NRG1: variants seen among roughly 807,000 people sequenced by gnomAD.
NRG1 encodes the protein neuregulin 1.
A neutral mutation model predicts 63.8 loss-of-function variants in NRG1; 18 were observed. The observed-to-expected ratio is 0.28, with a 90% CI of 0.19 to 0.42. The LOEUF (loss-of-function observed/expected upper bound fraction) is 0.42. Ranked by LOEUF, NRG1 falls within the 10% of genes least tolerant of loss-of-function variation. The pLI, the probability that NRG1 is intolerant of heterozygous loss-of-function variation, is 1.00. For synonymous variants in NRG1, 302 were observed against 301.3 expected (o/e 1.00, Z -0.02); for missense variants, 762 against 814.7 (o/e 0.94, Z 0.79).
chr8:31,755,485 TTTGAG>T (rs2131482312), intron 1 of NRG1, among the ~76,000 whole-genome samples: 1 of 152,244 alleles, frequency 6.6e-6, no homozygotes, highest in African/African-American at 2.4e-5. Context: ...GCTGCTTTTG[TTTGAG>T]TGACTAGCAA....
At chr8:32,254,863 G>A (rs1324077668) in intron 1 of NRG1, among the ~76,000 whole-genome samples, 1 of 152,078 alleles carries the variant, frequency 6.6e-6, no homozygotes, top group Non-Finnish European at 1.5e-5. Context: ...TCCTCATATT[G>A]GGAATCTGGT....
At chr8:32,280,704 T>TG (rs1852652186) in intron 1 of NRG1, among the ~76,000 whole-genome samples, 1 of 144,338 alleles carries the variant, frequency 6.9e-6, no homozygotes, top group Non-Finnish European at 1.5e-5. Flanking sequence ...TTTTTTTTTT[T>TG]TTTTTTTTTT....
chr8:32,506,386 G>A (rs1828533977), intron 1 of NRG1, among the ~76,000 whole-genome samples: 1 of 152,178 alleles, frequency 6.6e-6, no homozygotes, highest in African/African-American at 2.4e-5. Context: ...CAAAGGGTCT[G>A]TAGTCTGCTG....
At chr8:32,695,359 AAGAG>A (rs751255746) in intron 5 of NRG1, among the ~76,000 whole-genome samples, 29 of 151,934 alleles carry the variant, frequency 1.9e-4, no homozygotes, top group Non-Finnish European at 3.7e-4. Context: ...GAAGGAAAGA[AAGAG>A]AGAGAGGGTG....
intron 5 of NRG1, among the ~76,000 whole-genome samples, chr8:32,643,406 A>C (rs1009365631): frequency 6.6e-6 from 1 of 152,140 alleles, no homozygotes; most frequent in African/African-American, 2.4e-5. Flanking sequence ...CAACCTGGCC[A>C]CCATGCTGTG....
At chr8:31,870,682 G>A (rs1020901867) in intron 1 of NRG1, among the ~76,000 whole-genome samples, 1 of 152,006 alleles carries the variant, frequency 6.6e-6, no homozygotes, top group African/African-American at 2.4e-5. Context: ...TTCCTAAAGG[G>A]CATTTCTCAG....
At chr8:32,058,763 A>G (rs1296240652) in intron 1 of NRG1, among the ~76,000 whole-genome samples, 1 of 152,030 alleles carries the variant, frequency 6.6e-6, no homozygotes, top group Non-Finnish European at 1.5e-5. Context: ...GCAAGCTTTA[A>G]GTAAAACACG....
intron 1 of NRG1, among the ~76,000 whole-genome samples, chr8:31,980,805 C>G (rs942603136): frequency 5.9e-5 from 9 of 151,360 alleles, no homozygotes; most frequent in African/African-American, 1.9e-4. Context: ...TACTATTGCT[C>G]TTTTGCTTAC....
intron 1 of NRG1, among the ~76,000 whole-genome samples, chr8:32,430,062 G>A (rs1303168724): frequency 6.6e-6 from 1 of 152,104 alleles, no homozygotes; most frequent in East Asian, 1.9e-4. Flanking sequence ...TCCTGTTCTT[G>A]ACTGTGCTAT....
chr8:31,831,232 G>T (rs1444545524), intron 1 of NRG1, among the ~76,000 whole-genome samples: 1 of 151,888 alleles, frequency 6.6e-6, no homozygotes, highest in Admixed American at 6.6e-5. Context: ...CTCCTGAGCA[G>T]CTGGTATTAC....
chr8:31,831,188 G>A (rs887468675), intron 1 of NRG1, among the ~76,000 whole-genome samples: 1 of 151,194 alleles, frequency 6.6e-6, no homozygotes, highest in Non-Finnish European at 1.5e-5. Flanking sequence ...TGCAACATCC[G>A]CCTCCTGAGT....
intron 1 of NRG1, among the ~76,000 whole-genome samples, chr8:31,666,485 A>G (rs1361316398): frequency 6.6e-6 from 1 of 152,200 alleles, no homozygotes; most frequent in East Asian, 1.9e-4. Flanking sequence ...TAATCCTTTA[A>G]CATGATCATC....
chr8:32,526,430 A>T (rs7830563), intron 1 of NRG1, among the ~76,000 whole-genome samples: 17,493 of 152,204 alleles, frequency 0.11, 2,479 homozygotes, highest in East Asian at 0.58. Flanking sequence ...CACAGAAATG[A>T]CATCTCATCA....
At position 31,756,756 on chromosome 8, in the gene NRG1, A is replaced by T. The variant is rs111473160; in HGVS notation, c.37+117325A>T. Among the ~76,000 whole-genome samples, 791 of 152,294 alleles carry T rather than the reference A, an allele frequency of 5.2e-3. 7 individuals are homozygous for T. Among genetic ancestry groups the T allele is most frequent in the African/African-American group, 0.018 (757 of 41,574 alleles). ...GAGTAAAAAACATGTTACCTGTTTGACTGGTGCCCATATATAGTTAAGAGT... is the reference window on the plus strand; with the variant it reads ...GAGTAAAAAACATGTTACCTGTTTGTCTGGTGCCCATATATAGTTAAGAGT... On this transcript the variant is annotated intron_variant, in intron 1 of 10. Coordinates refer to the NRG1 transcript ENST00000519301.
chr8:32,361,063 C>T (rs1050716378), intron 1 of NRG1, among the ~76,000 whole-genome samples: 3 of 152,248 alleles, frequency 2.0e-5, no homozygotes, highest in African/African-American at 7.2e-5. Context: ...CTTATTCATA[C>T]GATAGACCTA....
intron 5 of NRG1, among the ~76,000 whole-genome samples, chr8:32,632,220 G>A (rs570355737): frequency 2.0e-5 from 3 of 152,144 alleles, no homozygotes; most frequent in Non-Finnish European, 4.4e-5. Context: ...GAGTTCCATC[G>A]AAGTATACAC....
intron 1 of NRG1, among the ~76,000 whole-genome samples, chr8:32,023,828 C>A (rs775990642): frequency 9.4e-4 from 34 of 36,184 alleles, no homozygotes; most frequent in Non-Finnish European, 1.4e-3. Context: ...AGCGTAGCTG[C>A]AGATTTGCAG....
intron 1 of NRG1, among the ~76,000 whole-genome samples, chr8:31,910,786 G>C (rs1832876433): frequency 6.6e-6 from 1 of 152,144 alleles, no homozygotes; most frequent in Non-Finnish European, 1.5e-5. Context: ...GGAATAAAAA[G>C]ATAAAACTGT....
chr8:31,794,291 G>T (rs370747012), intron 1 of NRG1, among the ~76,000 whole-genome samples: 36 of 152,034 alleles, frequency 2.4e-4, no homozygotes, highest in African/African-American at 6.7e-4. Context: ...TCTTCATACT[G>T]CTCTGACAAC....
Sources: gnomAD v4.1 joint callset for allele counts (sites outside exome capture counted in the v4.1 genomes callset) on GRCh38, gnomAD v4.1.1 for gene constraint, MANE v1.5 for transcripts, NCBI Gene and HGNC (gene_info 2026-07-23, HGNC 2026-07-21) for gene names.